The following LMO3 variants were observed in gnomAD, a reference collection of about 807,000 sequenced individuals.
LMO3 encodes the protein LIM domain only 3, also known as LIM domain only protein 3.
In LMO3, 2 loss-of-function variants were observed where a neutral mutation model predicts 15.8. The observed-to-expected ratio is 0.13, with a 90% CI of 0.05 to 0.40. The LOEUF is 0.40. LMO3 is among the 10% of genes least tolerant of loss of function. The pLI, the probability that LMO3 is intolerant of heterozygous loss-of-function variation, is 0.99. For missense variants in LMO3, 86 were observed against 182.2 expected, an observed-to-expected ratio of 0.47 and a Z score of 3.04; for synonymous variants, 62 against 63.8, an observed-to-expected ratio of 0.97 and a Z score of 0.13.
chr12:16,602,805 C>A (rs1943864966), intron 1 of LMO3, among the ~76,000 whole-genome samples: 1 of 152,114 alleles, frequency 6.6e-6, no homozygotes, highest in Non-Finnish European at 1.5e-5. Context: ...TGCCTGTTAA[C>A]CACATATCTA....
chr12:16,566,418 A>G (rs1942612087), intron 2 of LMO3, among the ~76,000 whole-genome samples: 1 of 152,110 alleles, frequency 6.6e-6, no homozygotes, highest in Non-Finnish European at 1.5e-5. Flanking sequence ...TTTTCAACAC[A>G]CAAAAAAATG....
intron 2 of LMO3, chr12:16,573,960 T>C (rs1942910673): frequency 6.6e-6 from 1 of 152,186 alleles, no homozygotes; most frequent in Non-Finnish European, 1.5e-5. Context: ...GAAAGGAATG[T>C]ATTACGGAAC....
intron 2 of LMO3, among the ~76,000 whole-genome samples, chr12:16,575,040 G>A (rs1942948532): frequency 6.6e-6 from 1 of 151,988 alleles, no homozygotes; most frequent in Admixed American, 6.5e-5. Flanking sequence ...ACACACAAAA[G>A]AAAAGGTGTT....
chr12:16,605,439 C>CCG lies in LMO3; in HGVS notation c.-9+626_-9+627insCG. 6 of 644,882 alleles carry CCG rather than the reference C, an allele frequency of 9.3e-6. No individual in the cohort carries two copies. The South Asian group carries it at 4.3e-4, about 46-fold the overall frequency. The allele number at this position is 644,882 out of a possible 1,614,324, so 39.9% of individuals were successfully genotyped here. A position where few individuals can be genotyped will look rare whatever the true frequency, so the allele number is the denominator to read the frequency against. On this transcript the variant is annotated intron_variant, in intron 1 of 3. Coordinates refer to ENST00000537304, the MANE Select transcript of LMO3 (RefSeq NM_018640.5). ...CCACTTCTGCCCCTACCCGCCTGCC[C>CCG]CCCCCCCCCGCCCCCATGCCCAAAC...
At chr12:16,562,969 G>A (rs907085587) in intron 2 of LMO3, among the ~76,000 whole-genome samples, 1 of 152,142 alleles carries the variant, frequency 6.6e-6, no homozygotes, top group Non-Finnish European at 1.5e-5. Flanking sequence ...AATCATTAAA[G>A]GACTCTTGAA....
chr12:16,568,333 C>G (rs937447868), intron 2 of LMO3, among the ~76,000 whole-genome samples: 2 of 152,160 alleles, frequency 1.3e-5, no homozygotes, highest in Non-Finnish European at 2.9e-5. Flanking sequence ...TTGAGATACT[C>G]AGAGAAACAT....
At chr12:16,568,699 C>T (rs1565490422) in intron 2 of LMO3, among the ~76,000 whole-genome samples, 1 of 152,200 alleles carries the variant, frequency 6.6e-6, no homozygotes, top group South Asian at 2.1e-4. Context: ...AAACTAATTT[C>T]ACCTTTAAAA....
intron 2 of LMO3, among the ~76,000 whole-genome samples, chr12:16,566,435 A>G (rs530157515): frequency 2.6e-5 from 4 of 152,094 alleles, no homozygotes; most frequent in Admixed American, 6.6e-5. Context: ...AATGATAAAT[A>G]ATGTATGAGG....
chr12:16,578,106 G>A (rs991718900), intron 2 of LMO3, among the ~76,000 whole-genome samples: 2 of 151,998 alleles, frequency 1.3e-5, no homozygotes, highest in East Asian at 1.9e-4. Flanking sequence ...GCACCTCATC[G>A]CCTCCCAGAA....
At chr12:16,595,817 T>C (rs1943635429) in intron 2 of LMO3, among the ~76,000 whole-genome samples, 1 of 151,452 alleles carries the variant, frequency 6.6e-6, no homozygotes, top group South Asian at 2.1e-4. Context: ...AGCTTATTTG[T>C]AGAGTTCCAT....
At position 16,604,563 on chromosome 12, in the gene LMO3, T is replaced by TAA. The variant is rs199601375; in HGVS notation, c.-9+1501_-9+1502dup. On this transcript the variant is annotated intron_variant, in intron 1 of 3. Transcript: ENST00000537304. The surrounding 1 kb of genome is among the most constrained non-coding windows in gnomAD (Gnocchi z 5.3). ...ATTTTGATGCAGCTCACATGCAAAA[T>TAA]AAAAAAAAAAAATAAGAAACATACA... 3,441 of 299,666 alleles carry TAA rather than the reference T, an allele frequency of 0.011. 26 individuals carry two copies. The highest frequency in any genetic ancestry group is 0.025 in the African/African-American group (1,130 of 45,344). 18.6% of individuals were successfully genotyped at this position (299,666 alleles called of 1,614,324 possible). A position where few individuals can be genotyped will look rare whatever the true frequency, so the allele number is the denominator to read the frequency against.
chr12:16,550,050 C>T lies in LMO3; in HGVS notation c.*1172G>A, dbSNP rs1193231179. ...GTAAATACAGAAAAATATATAATCA[C>T]TAGTTCTCAGCATTTTATCAATCCC... On this transcript the variant is annotated 3_prime_UTR_variant, in exon 4 of 4. Transcript: ENST00000537304. 1 of 151,926 alleles carries T rather than the reference C, an allele frequency of 6.6e-6. No individual in the cohort carries two copies. The highest frequency in any genetic ancestry group is 2.4e-5 in the African/African-American group (1 of 41,402). The allele number at this position is 151,926 out of a possible 1,614,324, so 9.4% of individuals were successfully genotyped here.
Position 16,591,766 on chromosome 12 carries a change from T to C in LMO3, c.206+8889A>G, listed in dbSNP as rs989007058. 3.3e-5 allele frequency among the ~76,000 whole-genome samples: 5 copies of C among 152,086 alleles called. No homozygotes were observed. The highest frequency in any genetic ancestry group is 9.7e-5 in the African/African-American group (4 of 41,438). On this transcript the variant is annotated intron_variant, in intron 2 of 3. Transcript: ENST00000537304. This position sits in a 1 kb window ranked among gnomAD's most constrained non-coding sequence, Gnocchi z 4.1. ...AAGTTACAAGCTAAGTCTGTCTTGC[T>C]CTGCACCCAAAATATAACCCGTGAA... is the stretch of plus-strand genomic sequence containing the variant.
intron 2 of LMO3, among the ~76,000 whole-genome samples, chr12:16,577,902 TTA>T (rs1242061912): frequency 2.6e-5 from 4 of 152,216 alleles, no homozygotes; most frequent in African/African-American, 7.2e-5. Flanking sequence ...ACAAATTATT[TTA>T]TGTGACATTT....
chr12:16,596,370 C>T lies in LMO3; in HGVS notation c.206+4285G>A, dbSNP rs1943657970. 6.6e-6 allele frequency among the ~76,000 whole-genome samples: 1 copy of T among 151,490 alleles called. No individual in the cohort carries two copies. Among genetic ancestry groups the T allele is most frequent in the Non-Finnish European group, 1.5e-5 (1 of 67,588 alleles). Reference sequence around the variant, plus strand: ...AAATTTTATATAAGACATTTTACAGCTTCTTATATAGGAAAAGCTATAAGC... The same window carrying T: ...AAATTTTATATAAGACATTTTACAGTTTCTTATATAGGAAAAGCTATAAGC... On this transcript the variant is annotated intron_variant, in intron 2 of 3. Coordinates refer to ENST00000537304, the MANE Select transcript of LMO3 (RefSeq NM_018640.5). The surrounding 1 kb of genome is among the most constrained non-coding windows in gnomAD (Gnocchi z 4.3).
rs185492011 is a variant in LMO3 at position 16,582,100 on chromosome 12, C to T, written c.206+18555G>A. Among the ~76,000 whole-genome samples, 2 of 152,002 alleles carry T rather than the reference C, an allele frequency of 1.3e-5. No individual in the cohort carries two copies. The highest frequency in any genetic ancestry group is 6.6e-5 in the Admixed American group (1 of 15,258). The stretch of plus-strand genomic sequence containing the variant: ...TAATGGAAATTACTTTAGTATTTAG[C>T]TGTTTTATAAATTTGCAGTTAGGTT... On this transcript the variant is annotated intron_variant, in intron 2 of 3. Transcript: ENST00000537304. The surrounding 1 kb of genome is among the most constrained non-coding windows in gnomAD (Gnocchi z 4.1).
chr12:16,607,636 T>C (rs1944042107), upstream of LMO3: 1 of 152,164 alleles, frequency 6.6e-6, no homozygotes, highest in Non-Finnish European at 1.5e-5. Flanking sequence ...AGCTTAAAAA[T>C]GGTCCACATT....
intron 2 of LMO3, among the ~76,000 whole-genome samples, chr12:16,566,856 G>A (rs2137394619): frequency 6.6e-6 from 1 of 152,170 alleles, no homozygotes; most frequent in East Asian, 1.9e-4. Flanking sequence ...TGAATGAAAA[G>A]GAAAGAGAAG....
chr12:16,572,476 T>A (rs560525771), intron 2 of LMO3, among the ~76,000 whole-genome samples: 81 of 150,018 alleles, frequency 5.4e-4, no homozygotes, highest in Middle Eastern at 7.1e-3. Flanking sequence ...TGGGTCACCT[T>A]TAGGACTTAT....
Sources: gnomAD v4.1 joint callset for allele counts (sites outside exome capture counted in the v4.1 genomes callset) on GRCh38, gnomAD v4.1.1 for gene constraint, Gnocchi (gnomAD v3.1) non-coding constraint, MANE v1.5 for transcripts, NCBI Gene and HGNC (gene_info 2026-07-23, HGNC 2026-07-21) for gene names.